Variants in LRRTM3 observed in about 807,000 individuals in gnomAD.
LRRTM3 encodes leucine-rich repeat transmembrane neuronal protein 3.
In LRRTM3, 24 loss-of-function variants were observed where a neutral mutation model predicts 44.7. The ratio of observed to expected loss-of-function variants is 0.54; its 90% CI spans 0.39 to 0.76. LRRTM3 has a LOEUF of 0.76. LRRTM3 is among the 30% of genes least tolerant of loss of function. The pLI is 0.00. For synonymous variants in LRRTM3, 277 were observed against 278.7 expected (o/e 0.99, Z 0.06); for missense variants, 587 against 702.2 (o/e 0.84, Z 1.85).
At chr10:66,937,844 C>T (rs1221806796) in intron 2 of LRRTM3, among the ~76,000 whole-genome samples, 2 of 152,108 alleles carry the variant, frequency 1.3e-5, no homozygotes, top group African/African-American at 2.4e-5. Context: ...AGATCAAATT[C>T]TGCTCACTCC....
chr10:67,068,658 G>A (rs544606884), intron 2 of LRRTM3, among the ~76,000 whole-genome samples: 40 of 152,324 alleles, frequency 2.6e-4, no homozygotes, highest in African/African-American at 9.6e-4. Context: ...GCTGAGGGGA[G>A]AGAGTTTTAA....
At chr10:67,029,610 A>G (rs575701429) in intron 2 of LRRTM3, among the ~76,000 whole-genome samples, 80 of 152,338 alleles carry the variant, frequency 5.3e-4, no homozygotes, top group Middle Eastern at 6.8e-3. Flanking sequence ...TAGGTTACAA[A>G]AGAGAGGTTT....
Position 66,926,140 on chromosome 10 carries a change from G to C in LRRTM3, c.-444G>C. 2.2e-6 allele frequency: 1 copy of C among 459,948 alleles called. No individual in the cohort carries two copies. The highest frequency in any genetic ancestry group is 2.0e-5 in the African/African-American group (1 of 50,372). The allele number at this position is 459,948 out of a possible 1,614,324, so 28.5% of individuals were successfully genotyped here. ...TGGGCTCCAACGCAGCTCTGTGGCTGAACTGGGTGCTCATCACGGGAACTG... is the reference window on the plus strand; with the variant it reads ...TGGGCTCCAACGCAGCTCTGTGGCTCAACTGGGTGCTCATCACGGGAACTG... On this transcript the variant is annotated 5_prime_UTR_variant, in exon 1 of 3. An upstream open reading frame in the 5' UTR loses its in-frame stop. Coordinates refer to ENST00000361320, the MANE Select transcript of LRRTM3 (RefSeq NM_178011.5).
chr10:67,025,935 ATG>A (rs922460008), intron 2 of LRRTM3, among the ~76,000 whole-genome samples: 1 of 148,910 alleles, frequency 6.7e-6, no homozygotes, highest in African/African-American at 2.6e-5. Flanking sequence ...GCCATAAAAA[ATG>A]ATGAGTTCAT....
At chr10:66,955,883 G>T (rs1331079746) in intron 2 of LRRTM3, among the ~76,000 whole-genome samples, 2 of 152,068 alleles carry the variant, frequency 1.3e-5, no homozygotes, top group Non-Finnish European at 2.9e-5. Context: ...GATCTGACTG[G>T]GGGGTATCTT....
chr10:67,043,134 TC>T (rs1554904429), intron 2 of LRRTM3, among the ~76,000 whole-genome samples: 5,294 of 48,474 alleles, frequency 0.11, 158 homozygotes, highest in Non-Finnish European at 0.19. Flanking sequence ...TCACTTTCTT[TC>T]TTTTTTTTTT....
At chr10:66,994,339 A>G (rs1851209304) in intron 2 of LRRTM3, among the ~76,000 whole-genome samples, 1 of 152,222 alleles carries the variant, frequency 6.6e-6, no homozygotes, top group East Asian at 1.9e-4. Context: ...CCTTTAGCTA[A>G]TAACTTCGAA....
intron 2 of LRRTM3, among the ~76,000 whole-genome samples, chr10:67,044,175 A>G (rs1038018599): frequency 1.3e-5 from 2 of 152,048 alleles, no homozygotes; most frequent in African/African-American, 2.4e-5. Context: ...GCTCTCACTT[A>G]TAAGTGAGAA....
At chr10:67,057,667 G>C (rs981774288) in intron 2 of LRRTM3, among the ~76,000 whole-genome samples, 18 of 152,102 alleles carry the variant, frequency 1.2e-4, no homozygotes, top group African/African-American at 4.3e-4. Flanking sequence ...GCACCCTCAG[G>C]AAAGTTGTAA....
At position 67,095,174 on chromosome 10, in the gene LRRTM3, T is replaced by C. The variant is rs562881073; in HGVS notation, c.1537-2413T>C. On this transcript the variant is annotated intron_variant, in intron 2 of 2. Transcript: ENST00000361320. The stretch of plus-strand genomic sequence containing the variant: ...AATCTACTGTGATGCTGTATTCAGA[T>C]ATGGCTAGCTGTTACATTCTACTTA... Among the ~76,000 whole-genome samples, 24 of 151,770 alleles carry C rather than the reference T, an allele frequency of 1.6e-4. No individual in the cohort carries two copies. The South Asian group carries it at 4.8e-3, about 30-fold the overall frequency.
At chr10:67,076,551 T>C (rs1045940030) in intron 2 of LRRTM3, among the ~76,000 whole-genome samples, 1 of 152,230 alleles carries the variant, frequency 6.6e-6, no homozygotes, top group East Asian at 1.9e-4. Context: ...TTTGAGCACA[T>C]AGAGAAGCCT....
At chr10:67,022,135 A>AT (rs1853059235) in intron 2 of LRRTM3, among the ~76,000 whole-genome samples, 4 of 152,160 alleles carry the variant, frequency 2.6e-5, no homozygotes, top group African/African-American at 7.2e-5. Context: ...GTGGGAAAAA[A>AT]ATATATATCA....
chr10:66,953,579 T>G (rs976995561), intron 2 of LRRTM3, among the ~76,000 whole-genome samples: 11 of 152,184 alleles, frequency 7.2e-5, no homozygotes, highest in Non-Finnish European at 1.3e-4. Context: ...CTCATGGGTT[T>G]TGTTTTTTTC....
rs144326873 is a variant in LRRTM3 at position 67,022,798 on chromosome 10, C to T, written c.1537-74789C>T. 7.7e-3 allele frequency among the ~76,000 whole-genome samples: 1,163 copies of T among 152,026 alleles called. 41 individuals carry two copies. The East Asian group carries it at 0.11, about 14-fold the overall frequency. ...TAAAAATACAAAAAAATTAGCCGGG[C>T]GTGGTGGTGCACGCCTATAATCCCA... On this transcript the variant is annotated intron_variant, in intron 2 of 2. Coordinates refer to ENST00000361320, the MANE Select transcript of LRRTM3 (RefSeq NM_178011.5).
At chr10:66,970,984 C>T (rs1168895808) in intron 2 of LRRTM3, among the ~76,000 whole-genome samples, 1 of 152,036 alleles carries the variant, frequency 6.6e-6, no homozygotes, top group African/African-American at 2.4e-5. Flanking sequence ...GTTTTCTTTC[C>T]TTTCTTCTTT....
intron 2 of LRRTM3, among the ~76,000 whole-genome samples, chr10:67,027,291 G>A (rs193082593): frequency 7.9e-4 from 121 of 152,210 alleles, no homozygotes; most frequent in Non-Finnish European, 4.3e-4. Flanking sequence ...AATTCCCCTC[G>A]TGGAACTCAC....
In LRRTM3 at chr10:67,038,502, T is replaced by C. The variant is rs531080518; in HGVS notation, c.1537-59085T>C. Reference sequence around the variant, plus strand: ...GCTCAGGAAAAGGACAACTCATTTATGAAAATGAGGTTGATATATATTCTG... The same window carrying C: ...GCTCAGGAAAAGGACAACTCATTTACGAAAATGAGGTTGATATATATTCTG... On this transcript the variant is annotated intron_variant, in intron 2 of 2. Coordinates refer to ENST00000361320, the MANE Select transcript of LRRTM3 (RefSeq NM_178011.5). Among the ~76,000 whole-genome samples the C allele has an allele frequency of 1.5e-3, 224 of 152,212 alleles. 2 individuals are homozygous for C. Among genetic ancestry groups the C allele is most frequent in the Admixed American group, 2.9e-3 (44 of 15,288 alleles).
chr10:66,971,255 G>A (rs1368697700), intron 2 of LRRTM3, among the ~76,000 whole-genome samples: 7 of 151,836 alleles, frequency 4.6e-5, no homozygotes, highest in Non-Finnish European at 7.4e-5. Context: ...GTGAAACCCC[G>A]TCTCTACTAA....
At chr10:67,069,408 G>A (rs933463184) in intron 2 of LRRTM3, among the ~76,000 whole-genome samples, 1 of 151,700 alleles carries the variant, frequency 6.6e-6, no homozygotes, top group Non-Finnish European at 1.5e-5. Context: ...CTCAAAAAAC[G>A]CTCATTGTAA....
Sources: gnomAD v4.1 joint callset for allele counts (sites outside exome capture counted in the v4.1 genomes callset) on GRCh38, gnomAD v4.1.1 for gene constraint, MANE v1.5 for transcripts, NCBI Gene and HGNC (gene_info 2026-07-23, HGNC 2026-07-21) for gene names.